Variants in DAB1 observed in about 807,000 individuals in gnomAD.
DAB1 encodes disabled homolog 1.
A neutral mutation model predicts 64.6 loss-of-function variants in DAB1; 15 were observed. The ratio of observed to expected loss-of-function variants is 0.23; its 90% CI spans 0.16 to 0.36. The LOEUF is 0.36. DAB1 is among the 10% of genes least tolerant of loss of function. The pLI, the probability that DAB1 is intolerant of heterozygous loss-of-function variation, is 1.00. For synonymous variants in DAB1, 235 were observed against 251.9 expected, an observed-to-expected ratio of 0.93 and a Z score of 0.64; for missense variants, 596 against 706.7, an observed-to-expected ratio of 0.84 and a Z score of 1.78.
In DAB1 at chr1:58,393,059, G is replaced by A. The variant is rs758396473; in HGVS notation, n.258-49656C>T. ...ATCTCACTATAAACACTCTCACTCT[G>A]AGTTCAGTCAGCCTCCAGACTCCAA... On this transcript the variant is annotated intron_variant and non_coding_transcript_variant, in intron 3 of 20. Transcript: ENST00000485760. Among the ~76,000 whole-genome samples the A allele has an allele frequency of 6.6e-5, 10 of 150,760 alleles. 1 individual carries two copies. The highest frequency in any genetic ancestry group is 1.2e-4 in the African/African-American group (5 of 40,976).
intron 1 of DAB1, among the ~76,000 whole-genome samples, chr1:57,358,927 T>C (rs1268175110): frequency 6.6e-6 from 1 of 151,864 alleles, no homozygotes; most frequent in Non-Finnish European, 1.5e-5. Flanking sequence ...AAAAATAAAA[T>C]TTACTTCTCA....
intron 4 of DAB1, among the ~76,000 whole-genome samples, chr1:58,213,046 GC>G (rs2100297617): frequency 6.6e-6 from 1 of 152,298 alleles, no homozygotes; most frequent in African/African-American, 2.4e-5. Flanking sequence ...ACGTAACACT[GC>G]AGCTGTGTTT....
chr1:58,380,538 G>A (rs898982281), intron 3 of DAB1, among the ~76,000 whole-genome samples: 7 of 152,204 alleles, frequency 4.6e-5, no homozygotes, highest in Non-Finnish European at 1.0e-4. Flanking sequence ...CTATTATGCT[G>A]GAGGCACATA....
intron 1 of DAB1, among the ~76,000 whole-genome samples, chr1:58,532,713 A>G (rs1409763435): frequency 2.0e-5 from 3 of 151,926 alleles, no homozygotes; most frequent in Non-Finnish European, 4.4e-5. Flanking sequence ...ATTTTTCTGT[A>G]CAGACTGAGT....
chr1:58,437,994 C>T (rs11808589), intron 3 of DAB1, among the ~76,000 whole-genome samples: 11 of 152,262 alleles, frequency 7.2e-5, no homozygotes, highest in African/African-American at 2.6e-4. Context: ...TGACCATGTT[C>T]CCTCCATATG....
intron 1 of DAB1, among the ~76,000 whole-genome samples, chr1:57,851,657 C>A (rs1259528506): frequency 6.6e-6 from 1 of 152,196 alleles, no homozygotes; most frequent in Non-Finnish European, 1.5e-5. Context: ...ATTTTGCCTG[C>A]AAAACATAGA....
At chr1:57,972,898 G>T (rs1018753105) in intron 5 of DAB1, among the ~76,000 whole-genome samples, 5 of 152,126 alleles carry the variant, frequency 3.3e-5, no homozygotes, top group African/African-American at 1.2e-4. Flanking sequence ...GCTAGATTCT[G>T]CATATTTCTT....
intron 4 of DAB1, among the ~76,000 whole-genome samples, chr1:58,219,025 C>CTCTGTGTG (rs376130413): frequency 9.5e-4 from 123 of 129,546 alleles, no homozygotes; most frequent in African/African-American, 3.2e-3. Flanking sequence ...CTCTCTCTCT[C>CTCTGTGTG]TGTGTGTGTG....
chr1:57,104,990 G>T (rs141782924), intron 4 of DAB1, among the ~76,000 whole-genome samples: 1 of 152,082 alleles, frequency 6.6e-6, no homozygotes, highest in Non-Finnish European at 1.5e-5. Flanking sequence ...GCTGTCTCTA[G>T]GTTAAGTACC....
intron 5 of DAB1, among the ~76,000 whole-genome samples, chr1:57,990,258 C>T (rs1277767647): frequency 6.6e-6 from 1 of 152,200 alleles, no homozygotes; most frequent in African/African-American, 2.4e-5. Flanking sequence ...ACTGCATATG[C>T]CACTATGAGG....
chr1:58,184,974 A>G (rs972316058), intron 4 of DAB1, among the ~76,000 whole-genome samples: 1 of 152,190 alleles, frequency 6.6e-6, no homozygotes, highest in African/African-American at 2.4e-5. Flanking sequence ...CATGAGGAAG[A>G]GCAGACTGCA....
At chr1:57,702,496 T>C (rs1425052022) in intron 6 of DAB1, among the ~76,000 whole-genome samples, 1 of 152,146 alleles carries the variant, frequency 6.6e-6, no homozygotes, top group African/African-American at 2.4e-5. Context: ...TCTCATAATT[T>C]CCTCTAATAC....
intron 7 of DAB1, among the ~76,000 whole-genome samples, chr1:57,564,650 A>G (rs1645095311): frequency 6.6e-6 from 1 of 152,248 alleles, no homozygotes; most frequent in Non-Finnish European, 1.5e-5. Context: ...AAGCTTCAGA[A>G]GCCAATCTGA....
At chr1:57,850,457 T>G (rs1439133740) in intron 1 of DAB1, among the ~76,000 whole-genome samples, 1 of 151,912 alleles carries the variant, frequency 6.6e-6, no homozygotes, top group Non-Finnish European at 1.5e-5. Flanking sequence ...ATGTAGTTTT[T>G]TTTTTTTTTT....
intron 5 of DAB1, among the ~76,000 whole-genome samples, chr1:57,930,010 A>G (rs985878606): frequency 6.6e-6 from 1 of 152,196 alleles, no homozygotes; most frequent in African/African-American, 2.4e-5. Flanking sequence ...CATTACATGA[A>G]GCTTTATAGT....
chr1:57,424,761 T>C (rs1248749015), upstream of DAB1, among the ~76,000 whole-genome samples: 49 of 152,100 alleles, frequency 3.2e-4, no homozygotes, highest in Admixed American at 3.2e-3. Flanking sequence ...GACTGAGGTT[T>C]CCCAGGCAAA....
At chr1:57,569,706 C>T (rs896010821) in intron 7 of DAB1, among the ~76,000 whole-genome samples, 1 of 151,918 alleles carries the variant, frequency 6.6e-6, no homozygotes, top group Non-Finnish European at 1.5e-5. Context: ...TGTAACAAAC[C>T]TGCATGTTGT....
intron 6 of DAB1, among the ~76,000 whole-genome samples, chr1:57,782,959 T>C (rs1392042259): frequency 6.7e-6 from 1 of 150,242 alleles, no homozygotes; most frequent in East Asian, 2.0e-4. Flanking sequence ...TGGTTGAAAA[T>C]AGTCCATTTT....
At chr1:58,376,089 C>T (rs1245871897) in intron 3 of DAB1, among the ~76,000 whole-genome samples, 2 of 152,056 alleles carry the variant, frequency 1.3e-5, no homozygotes, top group East Asian at 1.9e-4. Context: ...CTTTGTCTTG[C>T]TAGCAGTCTA....
Sources: allele counts gnomAD v4.1 joint callset (sites outside exome capture counted in the v4.1 genomes callset), GRCh38; gene constraint gnomAD v4.1.1; transcripts MANE v1.5; gene names NCBI Gene and HGNC (gene_info 2026-07-23, HGNC 2026-07-21).